SERPINB11: variants seen among roughly 807,000 people sequenced by gnomAD.
SERPINB11 encodes serpin family B member 11.
In SERPINB11, 32 loss-of-function variants were observed where a neutral mutation model predicts 36.7. The observed-to-expected ratio is 0.87, with a 90% confidence interval of 0.66 to 1.17. The LOEUF (loss-of-function observed/expected upper bound fraction) is 1.17, where lower values mean the gene tolerates loss of function less well. Ranked by LOEUF, SERPINB11 falls within the 50% of genes most tolerant of loss-of-function variation. The pLI is 0.00. For missense variants in SERPINB11, 528 were observed against 458.4 expected, an observed-to-expected ratio of 1.15 and a Z score of -1.39; for synonymous variants, 174 against 168.1, an observed-to-expected ratio of 1.04 and a Z score of -0.27.
chr18:63,709,333 C>T (rs1007118384), intron 1 of SERPINB11, among the ~76,000 whole-genome samples: 3 of 151,984 alleles, frequency 2.0e-5, no homozygotes, highest in Admixed American at 6.6e-5. Flanking sequence ...GCTGGAAGTG[C>T]GGGCATGGTG....
chr18:63,718,435 G>A (rs1314575634), intron 5 of SERPINB11, among the ~76,000 whole-genome samples: 7 of 151,708 alleles, frequency 4.6e-5, no homozygotes, highest in African/African-American at 1.7e-4. Flanking sequence ...CTCTATACAG[G>A]TCTTCCTTAA....
chr18:63,710,349 G>A lies in SERPINB11; in HGVS notation c.156G>A (p.Glu52=), dbSNP rs763422032. Residue 52 remains glutamate (E), a synonymous_variant, in exon 2 of 8, where the codon GAG becomes GAA. Transcript: ENST00000544088. ...VLLGARGETE[E]QLEKVLHFSH... is the part of the protein sequence containing the mutation. ...TTGGTGCCAGGGGAGAGACTGAAGA[G>A]CAATTGGAGAAGGTATGGAATTCCT... 1 of 1,611,290 alleles carries A rather than the reference G, an allele frequency of 6.2e-7. No individual in the cohort carries two copies. Among genetic ancestry groups the A allele is most frequent in the Non-Finnish European group, 8.5e-7 (1 of 1,178,814 alleles).
At position 63,720,972 on chromosome 18, in the gene SERPINB11, G is replaced by T. The variant is rs1432179936; in HGVS notation, c.760G>T (p.Ala254Ser). 6 of 1,608,356 alleles carry T rather than the reference G, an allele frequency of 3.7e-6. No individual in the cohort carries two copies. Among genetic ancestry groups the T allele is most frequent in the Non-Finnish European group, 5.1e-6 (6 of 1,177,936 alleles). ...GATTATTCTGCTTCCAGTAGGCATAGCTAATCTGAAACAGGTAAAATTATA... is the reference window on the plus strand; with the variant it reads ...GATTATTCTGCTTCCAGTAGGCATATCTAATCTGAAACAGGTAAAATTATA... ...SMIILLPVGI[A>S]NLKQIEKQLN... The change falls in exon 7 of 8, where the codon GCT becomes TCT. Residue 254 changes from alanine (A) to serine (S), a missense_variant. Coordinates refer to ENST00000544088, the MANE Select transcript of SERPINB11 (RefSeq NM_001370475.1).
At chr18:63,713,474 T>C (rs1022503221) in intron 4 of SERPINB11, among the ~76,000 whole-genome samples, 1 of 152,172 alleles carries the variant, frequency 6.6e-6, no homozygotes, top group African/African-American at 2.4e-5. Flanking sequence ...AATGCAAGCT[T>C]TTGTTTGACC....
At chr18:63,711,226 T>A in intron 2 of SERPINB11, 109 bp from the exon 3 acceptor site, 1 of 761,958 alleles carries the variant, frequency 1.3e-6, no homozygotes, top group East Asian at 2.5e-5. Flanking sequence ...ATGTTAGCTA[T>A]CACTACTGAT....
Position 63,720,686 on chromosome 18 carries a change from A to C in SERPINB11, c.619-145A>C, listed in dbSNP as rs529040653. On this transcript the variant is annotated intron_variant, in intron 6 of 7. Transcript: ENST00000544088. ...AAAATGGATAACCTTTGCAAAGGGA[A>C]GTAATAAGGAATCTACTTTGTAGTT... 15 of 586,186 alleles carry C rather than the reference A, an allele frequency of 2.6e-5. No individual in the cohort carries two copies. In the South Asian group the frequency reaches 3.0e-4, roughly 12 times the overall value. The allele number at this position is 586,186 out of a possible 1,614,324, so 36.3% of individuals were successfully genotyped here. A position where few individuals can be genotyped will look rare whatever the true frequency, so the allele number is the denominator to read the frequency against.
At chr18:63,716,226 G>A in intron 5 of SERPINB11, 74 bp downstream of exon 5, 1 of 941,418 alleles carries the variant, frequency 1.1e-6, no homozygotes, top group Non-Finnish European at 1.6e-6. Flanking sequence ...TTGCTAAAGA[G>A]GAAGCTGGCT....
intron 4 of SERPINB11, among the ~76,000 whole-genome samples, chr18:63,715,577 C>T (rs981670072): frequency 6.6e-6 from 1 of 152,098 alleles, no homozygotes; most frequent in African/African-American, 2.4e-5. Flanking sequence ...TTTATGGCAG[C>T]TTGTGAGGAG....
intron 4 of SERPINB11, among the ~76,000 whole-genome samples, chr18:63,713,054 TG>T (rs1914570126): frequency 6.6e-6 from 1 of 152,214 alleles, no homozygotes; most frequent in Non-Finnish European, 1.5e-5. Context: ...GAAATTACAT[TG>T]GACTGTGAGC....
intron 1 of SERPINB11, among the ~76,000 whole-genome samples, chr18:63,703,322 C>T (rs747825404): frequency 2.6e-5 from 4 of 152,180 alleles, no homozygotes; most frequent in Non-Finnish European, 5.9e-5. Context: ...GTCATGCATG[C>T]TGTGGCCTCT....
At chr18:63,720,436 T>G in intron 6 of SERPINB11, 1 of 404,788 alleles carries the variant, frequency 2.5e-6, no homozygotes. Context: ...CCATATATAC[T>G]GTGGTTATGT....
rs371150109 is a variant in SERPINB11 at position 63,710,414 on chromosome 18, G to A, written c.168+53G>A. 29 of 1,449,038 alleles carry A rather than the reference G, an allele frequency of 2.0e-5. No individual in the cohort carries two copies. In the African/African-American group the frequency reaches 2.3e-4, roughly 12 times the overall value. 89.8% of individuals were successfully genotyped at this position (1,449,038 alleles called of 1,614,324 possible). On this transcript the variant is annotated intron_variant, in intron 2 of 7. Transcript: ENST00000544088. ...GAACCCAGAAGTCTTTCATGCTCCC[G>A]CTCTGGGTCAGCAAAATTAATTCTA...
At chr18:63,716,978 G>C (rs746986263) in intron 5 of SERPINB11, among the ~76,000 whole-genome samples, 1 of 151,980 alleles carries the variant, frequency 6.6e-6, no homozygotes, top group Non-Finnish European at 1.5e-5. Flanking sequence ...TCATGACTCA[G>C]GTCAGCAAAA....
At chr18:63,706,193 ACTGG>A (rs898193924) in intron 1 of SERPINB11, among the ~76,000 whole-genome samples, 2 of 152,226 alleles carry the variant, frequency 1.3e-5, no homozygotes, top group Admixed American at 1.3e-4. Context: ...TTTTAGGGCA[ACTGG>A]TTTTGATTAC....
At chr18:63,721,120 C>CG (rs879299754) in intron 7 of SERPINB11, 134 bp downstream of exon 7, 3 of 878,268 alleles carry the variant, frequency 3.4e-6, no homozygotes, top group Non-Finnish European at 5.1e-6. Flanking sequence ...AGGATTGTCC[C>CG]GGGGGTGTGA....
At chr18:63,707,498 A>G (rs1157348488) in intron 1 of SERPINB11, among the ~76,000 whole-genome samples, 2 of 152,124 alleles carry the variant, frequency 1.3e-5, no homozygotes, top group Admixed American at 1.3e-4. Context: ...TGTAATATAA[A>G]ATTTATCTTT....
intron 4 of SERPINB11, 59 bp downstream of exon 4, chr18:63,712,752 C>A (rs2144538742): frequency 6.4e-7 from 1 of 1,561,222 alleles, no homozygotes; most frequent in Non-Finnish European, 8.8e-7. Context: ...ATTTCATACC[C>A]CAAAATTGAT....
chr18:63,720,174 G>T lies in SERPINB11; in HGVS notation c.618+19G>T. ...AAGTGAGGTAAGTATTTTATTTTCAGACTCATGACAAATGTTGGAGGATAC... is the reference window on the plus strand; with the variant it reads ...AAGTGAGGTAAGTATTTTATTTTCATACTCATGACAAATGTTGGAGGATAC... On this transcript the variant is annotated intron_variant, in intron 6 of 7. Coordinates refer to ENST00000544088, the MANE Select transcript of SERPINB11 (RefSeq NM_001370475.1). 1 of 1,580,828 alleles carries T rather than the reference G, an allele frequency of 6.3e-7. No homozygotes were observed.
chr18:63,717,555 T>A (rs1914700599), intron 5 of SERPINB11, among the ~76,000 whole-genome samples: 1 of 152,078 alleles, frequency 6.6e-6, no homozygotes, highest in African/African-American at 2.4e-5. Flanking sequence ...CTTGTTAACT[T>A]TAGCCACTGT....
Sources: gnomAD v4.1 joint callset for allele counts (sites outside exome capture counted in the v4.1 genomes callset) on GRCh38, gnomAD v4.1.1 for gene constraint, MANE v1.5 for transcripts, NCBI Gene and HGNC (gene_info 2026-07-23, HGNC 2026-07-21) for gene names.